Variants in ADGRB3 observed in about 807,000 individuals in gnomAD.
ADGRB3 encodes the protein brain-specific angiogenesis inhibitor 3.
In ADGRB3, 37 loss-of-function variants were observed where a neutral mutation model predicts 193.4. That is an observed-to-expected ratio of 0.19 (90% CI 0.15 to 0.25). The LOEUF (loss-of-function observed/expected upper bound fraction) is 0.25. ADGRB3 is among the 10% of genes least tolerant of loss of function. ADGRB3 has a pLI of 1.00. For synonymous variants in ADGRB3, 690 were observed against 644.2 expected, an observed-to-expected ratio of 1.07 and a Z score of -1.08; for missense variants, 1,637 against 1,852.9, an observed-to-expected ratio of 0.88 and a Z score of 2.14.
chr6:68,987,225 A>G (rs1254897369), intron 10 of ADGRB3, among the ~76,000 whole-genome samples: 3 of 152,164 alleles, frequency 2.0e-5, no homozygotes, highest in African/African-American at 7.2e-5. Flanking sequence ...CCATGATTAA[A>G]TTACAATAAT....
chr6:69,279,095 A>ACATG (rs1767366803), intron 20 of ADGRB3, among the ~76,000 whole-genome samples: 1 of 135,062 alleles, frequency 7.4e-6, no homozygotes, highest in Non-Finnish European at 1.6e-5. Context: ...ATATATATAT[A>ACATG]TATATATATA....
chr6:69,011,959 C>A (rs924961725), intron 11 of ADGRB3, among the ~76,000 whole-genome samples: 10 of 152,064 alleles, frequency 6.6e-5, no homozygotes, highest in Admixed American at 5.9e-4. Context: ...AGTAAAGCCA[C>A]ATTTGTTGGC....
At chr6:68,760,091 C>G (rs1766368847) in intron 3 of ADGRB3, among the ~76,000 whole-genome samples, 1 of 152,110 alleles carries the variant, frequency 6.6e-6, no homozygotes, top group Non-Finnish European at 1.5e-5. Context: ...AAAGCATAAG[C>G]AGATACAAGC....
At chr6:69,182,615 A>G (rs1751265934) in intron 17 of ADGRB3, among the ~76,000 whole-genome samples, 1 of 151,770 alleles carries the variant, frequency 6.6e-6, no homozygotes, top group Admixed American at 6.6e-5. Context: ...ATTTTTTTTC[A>G]TCACTGCCAT....
At chr6:69,012,270 T>C (rs2150284559) in intron 11 of ADGRB3, among the ~76,000 whole-genome samples, 1 of 152,126 alleles carries the variant, frequency 6.6e-6, no homozygotes, top group Middle Eastern at 3.4e-3. Flanking sequence ...TGCTTCCTGT[T>C]CTCTTGGTGT....
intron 3 of ADGRB3, among the ~76,000 whole-genome samples, chr6:68,680,292 C>A (rs527759155): frequency 3.1e-4 from 47 of 151,036 alleles, no homozygotes; most frequent in African/African-American, 8.8e-4. Flanking sequence ...AAAAAAAAAC[C>A]AATACATTAA....
chr6:69,059,285 C>G (rs1481858029), intron 15 of ADGRB3, among the ~76,000 whole-genome samples: 1 of 151,974 alleles, frequency 6.6e-6, no homozygotes, highest in African/African-American at 2.4e-5. Flanking sequence ...ACCTCATTCT[C>G]TTTTGGTTAT....
At chr6:69,344,783 G>C (rs906429706) in intron 26 of ADGRB3, among the ~76,000 whole-genome samples, 29 of 152,072 alleles carry the variant, frequency 1.9e-4, no homozygotes, top group African/African-American at 6.5e-4. Flanking sequence ...GATGATAAAA[G>C]ACTTCAAAAC....
At chr6:68,642,528 A>G (rs1768106576) in intron 3 of ADGRB3, among the ~76,000 whole-genome samples, 1 of 152,168 alleles carries the variant, frequency 6.6e-6, no homozygotes, top group South Asian at 2.1e-4. Flanking sequence ...ACAATTACAG[A>G]TGTTATCTTG....
chr6:69,383,387 T>C (rs1160740894), intron 31 of ADGRB3, among the ~76,000 whole-genome samples: 2 of 151,974 alleles, frequency 1.3e-5, no homozygotes, highest in Non-Finnish European at 2.9e-5. Context: ...GTGGTAAGAA[T>C]TTTCGTACAC....
At chr6:69,213,229 A>C (rs1263140128) in intron 17 of ADGRB3, among the ~76,000 whole-genome samples, 2 of 152,204 alleles carry the variant, frequency 1.3e-5, no homozygotes, top group Non-Finnish European at 2.9e-5. Context: ...TATAAATTCT[A>C]GAAATGAGAA....
chr6:69,126,252 T>C (rs1431550628), intron 17 of ADGRB3, among the ~76,000 whole-genome samples: 3 of 151,984 alleles, frequency 2.0e-5, no homozygotes, highest in Non-Finnish European at 2.9e-5. Flanking sequence ...CATACATACA[T>C]ACATACATAC....
At chr6:69,027,282 C>A (rs796449140) in intron 13 of ADGRB3, among the ~76,000 whole-genome samples, 6 of 151,932 alleles carry the variant, frequency 3.9e-5, no homozygotes, top group African/African-American at 1.2e-4. Context: ...TACCCAGGGT[C>A]AGGATCATCA....
intron 3 of ADGRB3, among the ~76,000 whole-genome samples, chr6:68,734,648 G>C (rs535825674): frequency 6.6e-6 from 1 of 152,128 alleles, no homozygotes; most frequent in East Asian, 1.9e-4. Context: ...AAAATGAGGA[G>C]AGGAGAATCT....
intron 17 of ADGRB3, among the ~76,000 whole-genome samples, chr6:69,083,178 C>T (rs967701384): frequency 2.0e-5 from 3 of 152,202 alleles, no homozygotes; most frequent in African/African-American, 7.2e-5. Context: ...TAATACATCT[C>T]ACATCTCACA....
intron 3 of ADGRB3, among the ~76,000 whole-genome samples, chr6:68,756,192 CT>C (rs1428345309): frequency 6.6e-5 from 10 of 152,062 alleles, no homozygotes; most frequent in African/African-American, 2.4e-4. Flanking sequence ...CAGGAGACGG[CT>C]GTATATAACT....
intron 30 of ADGRB3, among the ~76,000 whole-genome samples, chr6:69,381,514 T>C (rs1769945466): frequency 6.6e-6 from 1 of 151,932 alleles, no homozygotes; most frequent in Admixed American, 6.6e-5. Context: ...AAACAATGTA[T>C]TGCCTAGATA....
intron 17 of ADGRB3, among the ~76,000 whole-genome samples, chr6:69,231,010 A>G (rs930669567): frequency 1.3e-5 from 2 of 152,208 alleles, no homozygotes; most frequent in African/African-American, 4.8e-5. Context: ...GGCCCCAGTG[A>G]GAGTAGAAGC....
At chr6:69,348,504 A>T (rs1471930070) in intron 26 of ADGRB3, among the ~76,000 whole-genome samples, 1 of 151,486 alleles carries the variant, frequency 6.6e-6, no homozygotes, top group African/African-American at 2.4e-5. Flanking sequence ...AAAAAAAAAA[A>T]AAAAAAAAAT....
Sources: gnomAD v4.1 joint callset for allele counts (sites outside exome capture counted in the v4.1 genomes callset) on GRCh38, gnomAD v4.1.1 for gene constraint, MANE v1.5 for transcripts, NCBI Gene and HGNC (gene_info 2026-07-23, HGNC 2026-07-21) for gene names.